LEF1: variants seen among roughly 807,000 people sequenced by gnomAD.
LEF1 encodes the protein lymphoid enhancer-binding factor 1.
A neutral mutation model predicts 51.2 loss-of-function variants in LEF1; 14 were observed. That is an observed-to-expected ratio of 0.27 (90% confidence interval 0.18 to 0.43). The LOEUF is 0.43. Ranked by LOEUF, LEF1 falls within the 20% of genes least tolerant of loss-of-function variation. LEF1 has a pLI of 1.00. For missense variants in LEF1, 386 were observed against 512.0 expected (o/e 0.75, Z 2.37); for synonymous variants, 185 against 183.2 (o/e 1.01, Z -0.08).
intron 9 of LEF1, among the ~76,000 whole-genome samples, chr4:108,067,154 T>A (rs1461506943): frequency 6.6e-6 from 1 of 152,222 alleles, no homozygotes. Context: ...ATGAAAACAC[T>A]ATGAACGAAG....
At chr4:108,166,415 A>C in intron 1 of LEF1, 1 of 1,418,478 alleles carries the variant, frequency 7.0e-7, no homozygotes, top group Non-Finnish European at 9.2e-7. Context: ...TATATCCTCC[A>C]AGTTTCTTTG....
intron 3 of LEF1, among the ~76,000 whole-genome samples, chr4:108,136,871 A>G (rs938557770): frequency 9.2e-5 from 14 of 152,198 alleles, no homozygotes; most frequent in African/African-American, 3.1e-4. Flanking sequence ...GTATGTAGTC[A>G]TTGAAAACTA....
chr4:108,129,555 G>C (rs934750916), intron 3 of LEF1, among the ~76,000 whole-genome samples: 2 of 152,100 alleles, frequency 1.3e-5, no homozygotes, highest in Non-Finnish European at 2.9e-5. Flanking sequence ...AGAAGCAAAG[G>C]AGAGAGAGAA....
At chr4:108,067,560 G>C (rs1211064688) in intron 9 of LEF1, among the ~76,000 whole-genome samples, 2 of 147,854 alleles carry the variant, frequency 1.4e-5, no homozygotes, top group African/African-American at 2.5e-5. Flanking sequence ...AGACAGTTTC[G>C]CACTTGTCAC....
intron 2 of LEF1, 115 bp from the exon 3 acceptor site, chr4:108,163,816 G>T: frequency 1.8e-6 from 2 of 1,081,106 alleles, no homozygotes; most frequent in South Asian, 1.8e-5. Flanking sequence ...TAAAAGATTT[G>T]TTTACAAAAT....
chr4:108,113,747 T>C (rs765025524), intron 3 of LEF1, among the ~76,000 whole-genome samples: 3 of 152,152 alleles, frequency 2.0e-5, no homozygotes, highest in Non-Finnish European at 4.4e-5. Context: ...CAGGTATGCA[T>C]GTCGAGAGAA....
intron 8 of LEF1, among the ~76,000 whole-genome samples, chr4:108,071,358 T>A (rs1560767362): frequency 6.6e-6 from 1 of 152,166 alleles, no homozygotes; most frequent in Non-Finnish European, 1.5e-5. Context: ...ATAGACGCTG[T>A]CTATAGGGAC....
At chr4:108,132,659 CTTTTT>C (rs749911957) in intron 3 of LEF1, among the ~76,000 whole-genome samples, 6 of 47,444 alleles carry the variant, frequency 1.3e-4, no homozygotes, top group East Asian at 7.9e-4. Flanking sequence ...GAAAATCTGC[CTTTTT>C]TTTTTTTTTT....
At chr4:108,118,429 G>C (rs988752336) in intron 3 of LEF1, among the ~76,000 whole-genome samples, 3 of 152,148 alleles carry the variant, frequency 2.0e-5, no homozygotes, top group African/African-American at 7.2e-5. Flanking sequence ...GGCTTAATGC[G>C]AACTGTGAAT....
chr4:108,057,103 G>C (rs1331664176), intron 11 of LEF1, among the ~76,000 whole-genome samples: 1 of 151,982 alleles, frequency 6.6e-6, no homozygotes, highest in Non-Finnish European at 1.5e-5. Context: ...TCCTTCCCAA[G>C]AGTTCTGAAC....
chr4:108,063,111 A>G (rs1737808445), intron 11 of LEF1, among the ~76,000 whole-genome samples: 1 of 152,230 alleles, frequency 6.6e-6, no homozygotes, highest in Non-Finnish European at 1.5e-5. Context: ...ATATTAAATA[A>G]TAGAAAAAAT....
rs368602047 is a variant in LEF1 at position 108,163,616 on chromosome 4, G to A, written c.366C>T (p.Asn122=). The change falls in exon 3 of 12, where the codon AAC becomes AAT. Residue 122 remains asparagine (N), a synonymous_variant. Coordinates refer to ENST00000265165, the MANE Select transcript of LEF1 (RefSeq NM_016269.5). ...GAGATCCATTTGACATGTATGGGTC[G>A]TTATTCATATTTGGCATCATTATGT... The part of the protein sequence containing the change: ...SGYIMMPNMN[N]DPYMSNGSLS... 8.7e-6 allele frequency: 14 copies of A among 1,613,704 alleles called. No individual in the cohort carries two copies. Among genetic ancestry groups the A allele is most frequent in the Admixed American group, 3.3e-5 (2 of 59,996 alleles).
chr4:108,076,455 G>A (rs908365013), intron 8 of LEF1, among the ~76,000 whole-genome samples: 4 of 152,026 alleles, frequency 2.6e-5, no homozygotes, highest in Admixed American at 6.6e-5. Flanking sequence ...TGCAACCTCC[G>A]CCTCCCAGGT....
At chr4:108,054,549 C>G (rs977900523) in intron 11 of LEF1, among the ~76,000 whole-genome samples, 1 of 152,212 alleles carries the variant, frequency 6.6e-6, no homozygotes, top group African/African-American at 2.4e-5. Flanking sequence ...TCTGTTAAAG[C>G]CTCTGGAATG....
At chr4:108,065,903 A>G (rs1703292670) in intron 9 of LEF1, among the ~76,000 whole-genome samples, 1 of 151,914 alleles carries the variant, frequency 6.6e-6, no homozygotes, top group African/African-American at 2.4e-5. Flanking sequence ...CATAACAATA[A>G]TAATTATTAT....
chr4:108,073,983 G>C (rs915734128), intron 8 of LEF1, among the ~76,000 whole-genome samples: 4 of 151,990 alleles, frequency 2.6e-5, no homozygotes, highest in African/African-American at 9.7e-5. Context: ...GTCCCACCAC[G>C]CCCGGCTACT....
chr4:108,069,957 CAA>C (rs5860891), intron 9 of LEF1, among the ~76,000 whole-genome samples: 115,613 of 142,756 alleles, frequency 0.81, 48,061 homozygotes, highest in East Asian at 0.96. Flanking sequence ...GATTCTGTCT[CAA>C]AAAAAAAAAA....
intron 9 of LEF1, among the ~76,000 whole-genome samples, chr4:108,065,684 C>CA (rs895149226): frequency 1.3e-5 from 2 of 151,988 alleles, no homozygotes; most frequent in African/African-American, 2.4e-5. Context: ...TATAGAGCCA[C>CA]AAAATATATA....
intron 3 of LEF1, among the ~76,000 whole-genome samples, chr4:108,121,308 C>T (rs941619285): frequency 6.6e-6 from 1 of 152,158 alleles, no homozygotes; most frequent in African/African-American, 2.4e-5. Flanking sequence ...CAAATGTCTA[C>T]ACAGTGAAAA....
Sources: allele counts gnomAD v4.1 joint callset (sites outside exome capture counted in the v4.1 genomes callset), GRCh38; gene constraint gnomAD v4.1.1; transcripts MANE v1.5; gene names NCBI Gene and HGNC (gene_info 2026-07-23, HGNC 2026-07-21).